PRR16: variants seen among roughly 807,000 people sequenced by gnomAD.
PRR16 encodes the protein protein Largen.
In PRR16, 6 loss-of-function variants were observed where a neutral mutation model predicts 18.2. The observed-to-expected ratio is 0.33, with a 90% CI of 0.18 to 0.65. The LOEUF is 0.65. Among genes scored for constraint, PRR16 ranks in the 30% least tolerant of loss-of-function variants. The pLI is 0.74. For synonymous variants in PRR16, 151 were observed against 147.8 expected, an observed-to-expected ratio of 1.02 and a Z score of -0.16; for missense variants, 412 against 376.6, an observed-to-expected ratio of 1.09 and a Z score of -0.78.
chr5:120,705,087 A>G, the PRR16 span, among the ~76,000 whole-genome samples: 1 of 151,984 alleles, frequency 6.6e-6, no homozygotes, highest in Non-Finnish European at 1.5e-5. Flanking sequence ...GTAAAAAAAA[A>G]AGGAGAGTAC....
the PRR16 span, among the ~76,000 whole-genome samples, chr5:120,728,664 C>T: frequency 8.5e-5 from 13 of 152,136 alleles, no homozygotes; most frequent in East Asian, 5.8e-4. Flanking sequence ...GACTCTACAG[C>T]GAAATGCTTC....
intron 1 of PRR16, among the ~76,000 whole-genome samples, chr5:120,623,251 C>T (rs1754749947): frequency 6.6e-6 from 1 of 152,070 alleles, no homozygotes; most frequent in Admixed American, 6.6e-5. Flanking sequence ...CAAGAGACAA[C>T]ATTAATTAAT....
intron 1 of PRR16, among the ~76,000 whole-genome samples, chr5:120,591,149 G>T (rs927960815): frequency 1.6e-4 from 24 of 151,810 alleles, no homozygotes; most frequent in African/African-American, 5.3e-4. Flanking sequence ...TGTGGTGGTG[G>T]GCGCCTGTAA....
At chr5:120,727,704 CTG>C in the PRR16 span, among the ~76,000 whole-genome samples, 3 of 151,998 alleles carry the variant, frequency 2.0e-5, no homozygotes, top group East Asian at 1.9e-4. Context: ...ACAATTAAGA[CTG>C]TAGATATTTA....
At chr5:120,724,072 T>A in the PRR16 span, among the ~76,000 whole-genome samples, 1 of 151,932 alleles carries the variant, frequency 6.6e-6, no homozygotes, top group Non-Finnish European at 1.5e-5. Context: ...AGGGTTGACA[T>A]CCTAAGCATA....
intron 1 of PRR16, among the ~76,000 whole-genome samples, chr5:120,635,569 C>T (rs1755199922): frequency 6.6e-6 from 1 of 152,078 alleles, no homozygotes; most frequent in Non-Finnish European, 1.5e-5. Context: ...AATCCAGCAT[C>T]CCTTTATAAT....
At chr5:120,478,444 A>G (rs1749510987) in intron 1 of PRR16, among the ~76,000 whole-genome samples, 1 of 152,176 alleles carries the variant, frequency 6.6e-6, no homozygotes, top group African/African-American at 2.4e-5. Flanking sequence ...TTTTTGGAAT[A>G]GACAAAGGAT....
chr5:120,725,414 G>A, the PRR16 span, among the ~76,000 whole-genome samples: 6 of 150,328 alleles, frequency 4.0e-5, no homozygotes, highest in Admixed American at 4.0e-4. Flanking sequence ...CCAGTGCTTT[G>A]CGAGTCCAAG....
the PRR16 span, among the ~76,000 whole-genome samples, chr5:120,734,785 T>G: frequency 1.6e-4 from 25 of 152,216 alleles, no homozygotes; most frequent in Non-Finnish European, 1.3e-4. Context: ...TAAAACAATG[T>G]TACAGAGATT....
At chr5:120,484,626 A>G (rs1481391633) in intron 1 of PRR16, among the ~76,000 whole-genome samples, 1 of 146,396 alleles carries the variant, frequency 6.8e-6, no homozygotes, top group Non-Finnish European at 1.5e-5. Flanking sequence ...TATTGTATAT[A>G]CACTTATATA....
the PRR16 span, among the ~76,000 whole-genome samples, chr5:120,794,552 C>T: frequency 7.9e-5 from 12 of 152,120 alleles, no homozygotes; most frequent in South Asian, 6.2e-4. Flanking sequence ...TATAAGATGG[C>T]GAACTTAATC....
the PRR16 span, among the ~76,000 whole-genome samples, chr5:120,767,043 G>A: frequency 1.3e-5 from 2 of 151,866 alleles, no homozygotes; most frequent in Admixed American, 6.6e-5. Flanking sequence ...GAATGTTTAT[G>A]TATCCATTCT....
chr5:120,667,274 T>C (rs1259092269), intron 1 of PRR16, among the ~76,000 whole-genome samples: 1 of 152,076 alleles, frequency 6.6e-6, no homozygotes, highest in African/African-American at 2.4e-5. Flanking sequence ...GATGGTAGTT[T>C]GTATTTCTGT....
the PRR16 span, among the ~76,000 whole-genome samples, chr5:120,695,820 G>A: frequency 6.6e-6 from 1 of 151,874 alleles, no homozygotes; most frequent in Non-Finnish European, 1.5e-5. Context: ...CTGGATTTAT[G>A]GCCCAGCCTG....
chr5:120,701,662 G>A, the PRR16 span, among the ~76,000 whole-genome samples: 1 of 152,122 alleles, frequency 6.6e-6, no homozygotes. Context: ...GAGAGGAAAG[G>A]AGAGGTCAGA....
the PRR16 span, among the ~76,000 whole-genome samples, chr5:120,698,767 G>GT: frequency 6.6e-6 from 1 of 152,116 alleles, no homozygotes; most frequent in Non-Finnish European, 1.5e-5. Context: ...TTTTAAGTTG[G>GT]TGGCTGAGCT....
intron 1 of PRR16, among the ~76,000 whole-genome samples, chr5:120,628,091 T>C (rs529159660): frequency 6.6e-6 from 1 of 152,134 alleles, no homozygotes; most frequent in Non-Finnish European, 1.5e-5. Context: ...TGTGAATTTA[T>C]GTTTCTTACA....
chr5:120,571,047 G>T (rs1425415916), intron 1 of PRR16, among the ~76,000 whole-genome samples: 1 of 152,114 alleles, frequency 6.6e-6, no homozygotes, highest in Non-Finnish European at 1.5e-5. Context: ...GTGGTCATTG[G>T]AGTCTTCTCT....
chr5:120,631,197 T>G (rs1755041826), intron 1 of PRR16, among the ~76,000 whole-genome samples: 1 of 152,158 alleles, frequency 6.6e-6, no homozygotes, highest in African/African-American at 2.4e-5. Flanking sequence ...ATTTAAAATT[T>G]ATGATTCTGG....
Sources: gnomAD v4.1 joint callset for allele counts (sites outside exome capture counted in the v4.1 genomes callset) on GRCh38, gnomAD v4.1.1 for gene constraint, MANE v1.5 for transcripts, NCBI Gene and HGNC (gene_info 2026-07-23, HGNC 2026-07-21) for gene names.